The following UNC79 variants were observed in gnomAD, a reference collection of about 807,000 sequenced individuals.
UNC79 encodes the protein unc-79 subunit of NALCN channel complex, also known as protein unc-79 homolog.
In UNC79, 37 loss-of-function variants were observed where a neutral mutation model predicts 283.1. The observed-to-expected ratio is 0.13, with a 90% CI of 0.10 to 0.17. The LOEUF is 0.17. UNC79 is among the 10% of genes least tolerant of loss of function. The pLI, the probability that UNC79 is intolerant of heterozygous loss-of-function variation, is 1.00. For missense variants in UNC79, 2,272 were observed against 3,211.1 expected (o/e 0.71, Z 7.07); for synonymous variants, 1,107 against 1,200.2 (o/e 0.92, Z 1.61).
intron 1 of UNC79, among the ~76,000 whole-genome samples, chr14:93,433,314 G>A (rs1413024935): frequency 6.6e-6 from 1 of 152,092 alleles, no homozygotes; most frequent in Non-Finnish European, 1.5e-5. Flanking sequence ...TTAGAATGAA[G>A]GTAATTAAGG....
chr14:93,352,232 C>T (rs2053992502), intron 1 of UNC79, among the ~76,000 whole-genome samples: 1 of 152,210 alleles, frequency 6.6e-6, no homozygotes, highest in African/African-American at 2.4e-5. Context: ...GCTCAATCTT[C>T]TGATTTCTTG....
chr14:93,502,593 A>C (rs894513441), intron 7 of UNC79, among the ~76,000 whole-genome samples: 3 of 152,218 alleles, frequency 2.0e-5, no homozygotes, highest in African/African-American at 7.2e-5. Flanking sequence ...GGAGAGAAAG[A>C]AATTATTTAG....
chr14:93,522,196 C>T (rs1411515641), intron 7 of UNC79, among the ~76,000 whole-genome samples: 1 of 152,008 alleles, frequency 6.6e-6, no homozygotes. Flanking sequence ...GGCTGGTGCA[C>T]ACTTCAATTT....
intron 1 of UNC79, among the ~76,000 whole-genome samples, chr14:93,457,687 A>C (rs2056835044): frequency 6.6e-6 from 1 of 152,226 alleles, no homozygotes; most frequent in Admixed American, 6.5e-5. Flanking sequence ...GAAAATGAGG[A>C]AGATTTGAAT....
intron 1 of UNC79, among the ~76,000 whole-genome samples, chr14:93,367,643 AATAAC>A (rs10522731): frequency 0.52 from 78,645 of 151,406 alleles, 21,133 homozygotes; most frequent in Admixed American, 0.64. Context: ...AAATAGGAAA[AATAAC>A]ATAAGAGGGT....
chr14:93,337,854 T>A (rs754827798), intron 1 of UNC79, among the ~76,000 whole-genome samples: 1 of 152,106 alleles, frequency 6.6e-6, no homozygotes, highest in Non-Finnish European at 1.5e-5. Context: ...TGGGTGCCAC[T>A]GTGTTTGCCT....
intron 40 of UNC79, among the ~76,000 whole-genome samples, chr14:93,673,126 T>C (rs1303422781): frequency 6.6e-6 from 1 of 152,218 alleles, no homozygotes; most frequent in East Asian, 1.9e-4. Context: ...CTTATCTTTT[T>C]CTTATCCATT....
chr14:93,541,543 T>A (rs1034214678), intron 13 of UNC79, among the ~76,000 whole-genome samples: 8 of 152,200 alleles, frequency 5.3e-5, no homozygotes, highest in African/African-American at 1.9e-4. Flanking sequence ...TAATTGTTGA[T>A]TTCACATATC....
intron 1 of UNC79, among the ~76,000 whole-genome samples, chr14:93,377,845 C>G (rs2054591985): frequency 6.6e-6 from 1 of 152,184 alleles, no homozygotes; most frequent in Non-Finnish European, 1.5e-5. Flanking sequence ...CAGAACAATT[C>G]CCCTAATTCT....
Position 93,550,276 on chromosome 14 carries a change from GAT to G in UNC79, c.1755+7582_1755+7583del, listed in dbSNP as rs759254773. Among the ~76,000 whole-genome samples, 4 of 152,216 alleles carry G rather than the reference GAT, an allele frequency of 2.6e-5. No individual in the cohort carries two copies. In the East Asian group the frequency reaches 7.7e-4, roughly 29 times the overall value. ...TTTAACATTTCATCCTAGACAATATGATAGTCATGAAGTCTCTGTGAGAGAGG... is the reference window on the plus strand; with the variant it reads ...TTTAACATTTCATCCTAGACAATATGAGTCATGAAGTCTCTGTGAGAGAGG... On this transcript the variant is annotated intron_variant, in intron 14 of 48. Coordinates refer to ENST00000555664, the Ensembl canonical transcript of UNC79.
Position 93,706,875 on chromosome 14 carries a change from G to T in UNC79, c.7762G>T (p.Glu2588Ter). The change falls in exon 49 of 49, where the codon GAA (glutamate) becomes TAA (stop). Residue 2588 changes from glutamate to a stop codon, truncating the protein, a stop_gained. Transcript: ENST00000555664. LOFTEE classifies it high-confidence loss of function. ...GGCCCAGGTGGAGATCCAGTCCTCG[G>T]AAGCAGCCTCTCAATTTTATCCTCT... 6.2e-7 allele frequency: 1 copy of T among 1,614,226 alleles called. No homozygotes were observed. Among genetic ancestry groups the T allele is most frequent in the Non-Finnish European group, 8.5e-7 (1 of 1,180,044 alleles).
chr14:93,347,378 G>T (rs199879752), intron 1 of UNC79: 3 of 1,539,104 alleles, frequency 1.9e-6, no homozygotes, highest in East Asian at 4.9e-5. Context: ...CCGCGCCAGC[G>T]GCCCCTGTCT....
chr14:93,461,972 A>AAG (rs1555413334), intron 1 of UNC79, among the ~76,000 whole-genome samples: 31 of 145,784 alleles, frequency 2.1e-4, no homozygotes, highest in Non-Finnish European at 2.5e-4. Context: ...CAAAAAAAAA[A>AAG]AAAGAAAGAA....
At chr14:93,623,131 A>ACCCT (rs2067266011) in intron 30 of UNC79, among the ~76,000 whole-genome samples, 1 of 152,206 alleles carries the variant, frequency 6.6e-6, no homozygotes, top group Non-Finnish European at 1.5e-5. Flanking sequence ...TATCAGGATA[A>ACCCT]TCCAGGTATC....
chr14:93,435,371 A>G (rs906508059), intron 1 of UNC79, among the ~76,000 whole-genome samples: 1 of 152,088 alleles, frequency 6.6e-6, no homozygotes, highest in Non-Finnish European at 1.5e-5. Context: ...GGCTGTTCCC[A>G]CTCAGATTTT....
intron 1 of UNC79, among the ~76,000 whole-genome samples, chr14:93,351,258 CTA>C (rs920552023): frequency 3.9e-5 from 6 of 152,048 alleles, no homozygotes; most frequent in Admixed American, 3.3e-4. Context: ...TTTAGGAAAA[CTA>C]AAATTTAAAA....
At chr14:93,655,879 C>A (rs1378691986) in intron 38 of UNC79, among the ~76,000 whole-genome samples, 2 of 152,076 alleles carry the variant, frequency 1.3e-5, no homozygotes, top group Non-Finnish European at 2.9e-5. Flanking sequence ...TACCATCTCC[C>A]AAGAATACAC....
At chr14:93,585,546 A>G (rs2064159853) in intron 20 of UNC79, among the ~76,000 whole-genome samples, 1 of 152,230 alleles carries the variant, frequency 6.6e-6, no homozygotes, top group South Asian at 2.1e-4. Context: ...AAGATTCCCA[A>G]TGGACTTTTC....
intron 1 of UNC79, chr14:93,347,172 T>G: frequency 7.1e-7 from 1 of 1,418,286 alleles, no homozygotes; most frequent in Non-Finnish European, 9.4e-7. Flanking sequence ...CTGGGGCGCC[T>G]GCGCAAACCA....
Sources: gnomAD v4.1 joint callset for allele counts (sites outside exome capture counted in the v4.1 genomes callset) on GRCh38, gnomAD v4.1.1 for gene constraint, MANE v1.5 for transcripts, NCBI Gene and HGNC (gene_info 2026-07-23, HGNC 2026-07-21) for gene names.